The following CDS1 variants were observed in gnomAD, a reference collection of about 807,000 sequenced individuals.
CDS1 encodes phosphatidate cytidylyltransferase 1.
CDS1 carries 41 observed loss-of-function variants against 62.1 expected under a neutral mutation model. The ratio of observed to expected loss-of-function variants is 0.66; its 90% CI spans 0.51 to 0.86. The LOEUF is 0.86. Ranked by LOEUF, CDS1 falls within the 40% of genes least tolerant of loss-of-function variation. The pLI is 0.00. For missense variants in CDS1, 470 were observed against 550.1 expected (o/e 0.85, Z 1.46); for synonymous variants, 185 against 192.6 (o/e 0.96, Z 0.32).
At chr4:84,648,078 A>C (rs1034645074) in intron 12 of CDS1, among the ~76,000 whole-genome samples, 3 of 152,190 alleles carry the variant, frequency 2.0e-5, no homozygotes, top group African/African-American at 7.2e-5. Context: ...TCTGACTCTG[A>C]ATATTCATAA....
At chr4:84,646,513 C>G (rs1224854033) in intron 12 of CDS1, among the ~76,000 whole-genome samples, 1 of 152,084 alleles carries the variant, frequency 6.6e-6, no homozygotes, top group African/African-American at 2.4e-5. Context: ...TCATTATTTA[C>G]ATGTTTTCTG....
intron 1 of CDS1, among the ~76,000 whole-genome samples, chr4:84,595,813 G>GT (rs910116249): frequency 2.0e-5 from 3 of 152,122 alleles, no homozygotes; most frequent in Non-Finnish European, 2.9e-5. Flanking sequence ...ATTCCATGGA[G>GT]TTTTTTTCTT....
Position 84,609,446 on chromosome 4 carries a change from T to C in CDS1, c.263T>C (p.Ile88Thr), listed in dbSNP as rs559513398. The change falls in exon 3 of 13, where the codon ATA (isoleucine) becomes ACA (threonine). Residue 88 changes from isoleucine (I) to threonine (T), a missense_variant. Transcript: ENST00000295887. ...GLSSRWKNWWIRGILTLTMIS... is the reference protein window; with the variant it reads ...GLSSRWKNWWTRGILTLTMIS... ...CTTTGTAGGTGGAAAAACTGGTGGA[T>C]ACGTGGAATTCTCACTCTAACTATG... 6.2e-7 allele frequency: 1 copy of C among 1,607,040 alleles called. No homozygotes were observed. The highest frequency in any genetic ancestry group is 1.1e-5 in the South Asian group (1 of 90,786).
chr4:84,610,342 A>G (rs1337136796), intron 3 of CDS1, among the ~76,000 whole-genome samples: 1 of 152,166 alleles, frequency 6.6e-6, no homozygotes, highest in Non-Finnish European at 1.5e-5. Context: ...GATGCGGTCC[A>G]TTGGAAGATC....
At chr4:84,599,405 C>CACATAT (rs1231093037) in intron 1 of CDS1, among the ~76,000 whole-genome samples, 16 of 24,702 alleles carry the variant, frequency 6.5e-4, no homozygotes, top group African/African-American at 1.8e-3. Flanking sequence ...CACACACACA[C>CACATAT]ATATATATAT....
chr4:84,590,103 A>G lies in CDS1; in HGVS notation c.117+6585A>G, dbSNP rs1056416293. ...TGGGATTACAGGCATGAGCCACCTC[A>G]CCCAGCCTAAGGCAGGTCTTTCAAT... On this transcript the variant is annotated intron_variant, in intron 1 of 12. Transcript: ENST00000295887. Among the ~76,000 whole-genome samples, 13 of 152,084 alleles carry G rather than the reference A, an allele frequency of 8.5e-5. No individual in the cohort carries two copies. In the South Asian group the frequency reaches 1.0e-3, roughly 12 times the overall value.
At chr4:84,643,259 C>G in intron 11 of CDS1, 116 bp downstream of exon 11, 1 of 930,282 alleles carries the variant, frequency 1.1e-6, no homozygotes, top group Non-Finnish European at 1.6e-6. Flanking sequence ...ACTTTTATAT[C>G]CTATTTGTTT....
At position 84,604,311 on chromosome 4, in the gene CDS1, A is replaced by G; in HGVS notation, c.186A>G (p.Pro62=). The change falls in exon 2 of 13, where the codon CCA becomes CCG. Residue 62 remains proline (P), a synonymous_variant. Transcript: ENST00000295887. The stretch of plus-strand genomic sequence containing the variant: ...CAGATTCTGATATTCCGGAAATTCC[A>G]CCATCCTCAGATAGAACCCCTGAGA... ...SRTDSDIPEI[P]PSSDRTPEIL... is the part of the protein sequence containing the mutation. 3 of 1,612,678 alleles carry G rather than the reference A, an allele frequency of 1.9e-6. No homozygotes were observed. Among genetic ancestry groups the G allele is most frequent in the Non-Finnish European group, 2.5e-6 (3 of 1,178,774 alleles).
chr4:84,599,420 A>ATG (rs1722863150), intron 1 of CDS1, among the ~76,000 whole-genome samples: 58 of 19,218 alleles, frequency 3.0e-3, no homozygotes, highest in African/African-American at 7.8e-3. Context: ...ATATATATAT[A>ATG]TATATATATA....
At chr4:84,610,392 G>A (rs979083816) in intron 3 of CDS1, among the ~76,000 whole-genome samples, 1 of 152,188 alleles carries the variant, frequency 6.6e-6, no homozygotes, top group Non-Finnish European at 1.5e-5. Context: ...ATAGGGCACT[G>A]GAGAGGCAAG....
intron 5 of CDS1, 78 bp from the exon 6 acceptor site, chr4:84,631,741 T>C: frequency 9.0e-7 from 1 of 1,116,336 alleles, no homozygotes; most frequent in Non-Finnish European, 1.4e-6. Flanking sequence ...TACAGCAAAT[T>C]GGTTTATTTG....
At chr4:84,635,239 C>CTTTTT in intron 7 of CDS1, 25 bp from the exon 8 acceptor site, 1 of 1,035,202 alleles carries the variant, frequency 9.7e-7, no homozygotes, top group Non-Finnish European at 1.4e-6. Context: ...TTTCTGCTGA[C>CTTTTT]TTTTTTTTTT....
intron 2 of CDS1, among the ~76,000 whole-genome samples, chr4:84,606,997 A>G (rs1460370901): frequency 3.9e-5 from 6 of 152,198 alleles, no homozygotes; most frequent in Admixed American, 6.5e-5. Context: ...CCTTTTAGCC[A>G]TAGCATTTTT....
At chr4:84,605,191 A>G (rs1268814692) in intron 2 of CDS1, among the ~76,000 whole-genome samples, 1 of 152,226 alleles carries the variant, frequency 6.6e-6, no homozygotes, top group African/African-American at 2.4e-5. Context: ...TGACACAGTA[A>G]GAAATACATT....
intron 1 of CDS1, among the ~76,000 whole-genome samples, chr4:84,600,171 G>C (rs1397362876): frequency 6.6e-6 from 1 of 152,058 alleles, no homozygotes; most frequent in Non-Finnish European, 1.5e-5. Context: ...TTTACCATCT[G>C]TGCATTGCCC....
chr4:84,635,022 T>TAGTATTTTCCTTAGC (rs1553905800), intron 7 of CDS1, among the ~76,000 whole-genome samples: 1 of 151,624 alleles, frequency 6.6e-6, no homozygotes, highest in Non-Finnish European at 1.5e-5. Flanking sequence ...ATCAATAATT[T>TAGTATTTTCCTTAGC]AATATTTTCC....
In CDS1 at chr4:84,635,636, T is replaced by TTCCC. The variant is rs1193359864; in HGVS notation, c.810+288_810+289insCTCC. On this transcript the variant is annotated intron_variant, in intron 8 of 12. Coordinates refer to ENST00000295887, the MANE Select transcript of CDS1 (RefSeq NM_001263.4). ...CTGCCTGCCTGCCTGCCTTCCTTCC[T>TTCCC]TCCTTCCTTCCTTCCTTCCTTCCTT... 6.6e-5 allele frequency among the ~76,000 whole-genome samples: 6 copies of TTCCC among 91,560 alleles called. No homozygotes were observed. In the East Asian group the frequency reaches 2.1e-3, roughly 32 times the overall value. 60.1% of individuals were successfully genotyped at this position (91,560 alleles called of 152,430 possible). A position where few individuals can be genotyped will look rare whatever the true frequency, so the allele number is the denominator to read the frequency against.
intron 10 of CDS1, among the ~76,000 whole-genome samples, chr4:84,642,507 G>A (rs1409730560): frequency 6.6e-6 from 1 of 152,092 alleles, no homozygotes; most frequent in African/African-American, 2.4e-5. Context: ...CAAATCTTTA[G>A]TGATTGTCTC....
intron 6 of CDS1, among the ~76,000 whole-genome samples, chr4:84,632,917 A>G (rs1724067963): frequency 6.6e-6 from 1 of 152,236 alleles, no homozygotes; most frequent in Non-Finnish European, 1.5e-5. Flanking sequence ...TGAGCCCAGG[A>G]GTTTGAGACC....
Sources: allele counts gnomAD v4.1 joint callset (sites outside exome capture counted in the v4.1 genomes callset), GRCh38; gene constraint gnomAD v4.1.1; transcripts MANE v1.5; gene names NCBI Gene and HGNC (gene_info 2026-07-23, HGNC 2026-07-21).